Variants in EYA2 observed in about 807,000 individuals in gnomAD.
The protein encoded by EYA2 is EYA transcriptional coactivator and phosphatase 2, also known as protein phosphatase EYA2.
A neutral mutation model predicts 69.2 loss-of-function variants in EYA2; 31 were observed. The observed-to-expected ratio is 0.45, with a 90% CI of 0.34 to 0.60. The LOEUF (loss-of-function observed/expected upper bound fraction) is 0.60, where lower values mean the gene tolerates loss of function less well. EYA2 is among the 20% of genes least tolerant of loss of function. EYA2 has a pLI of 0.02. For missense variants in EYA2, 622 were observed against 701.2 expected (o/e 0.89, Z 1.28); for synonymous variants, 257 against 279.4 (o/e 0.92, Z 0.80).
At chr20:47,078,329 G>A (rs61310341) in intron 7 of EYA2, among the ~76,000 whole-genome samples, 22,502 of 115,730 alleles carry the variant, frequency 0.19, 2,409 homozygotes, top group African/African-American at 0.35. Flanking sequence ...GCGCGCGCGC[G>A]CGCACACACA....
chr20:47,121,010 C>G (rs933661402), intron 9 of EYA2, among the ~76,000 whole-genome samples: 6 of 152,186 alleles, frequency 3.9e-5, no homozygotes, highest in African/African-American at 1.2e-4. Context: ...GCATTCTCCC[C>G]TGGAACCATC....
chr20:47,116,054 G>C (rs962118575), intron 9 of EYA2, among the ~76,000 whole-genome samples: 18 of 151,942 alleles, frequency 1.2e-4, no homozygotes, highest in Non-Finnish European at 2.2e-4. Context: ...ATCTTTCCAA[G>C]TTGGTTAAAA....
At chr20:47,174,235 A>G (rs1331870447) in intron 12 of EYA2, among the ~76,000 whole-genome samples, 1 of 152,206 alleles carries the variant, frequency 6.6e-6, no homozygotes, top group African/African-American at 2.4e-5. Flanking sequence ...TCCTAGAAAG[A>G]ATAGAGTCCC....
intron 9 of EYA2, among the ~76,000 whole-genome samples, chr20:47,127,441 T>G (rs1029379753): frequency 1.3e-4 from 20 of 151,994 alleles, no homozygotes; most frequent in Admixed American, 3.9e-4. Context: ...CCATCTCTAC[T>G]AAAAATACCA....
intron 1 of EYA2, among the ~76,000 whole-genome samples, chr20:46,964,016 A>G (rs1280099706): frequency 6.6e-6 from 1 of 152,266 alleles, no homozygotes; most frequent in Non-Finnish European, 1.5e-5. Flanking sequence ...TATGAAATCA[A>G]TTTGGTGAGC....
intron 11 of EYA2, among the ~76,000 whole-genome samples, chr20:47,172,251 T>C (rs904907629): frequency 2.0e-5 from 3 of 151,940 alleles, no homozygotes; most frequent in South Asian, 2.1e-4. Context: ...CCAGGCAACA[T>C]AGAGAGACTC....
chr20:46,968,334 A>G (rs1352037645), intron 1 of EYA2, among the ~76,000 whole-genome samples: 3 of 152,218 alleles, frequency 2.0e-5, no homozygotes, highest in South Asian at 2.1e-4. Flanking sequence ...AAGAATGGCA[A>G]ACATTTACCT....
chr20:47,071,970 T>C (rs1178033970), intron 5 of EYA2: 9 of 584,902 alleles, frequency 1.5e-5, no homozygotes, highest in Non-Finnish European at 2.8e-5. Flanking sequence ...GTGGTGATGC[T>C]GGTGGTAGGC....
At chr20:47,159,346 C>A (rs887181636) in intron 10 of EYA2, among the ~76,000 whole-genome samples, 3 of 151,954 alleles carry the variant, frequency 2.0e-5, no homozygotes, top group South Asian at 4.2e-4. Context: ...AGAAAAACAT[C>A]GGAAAAATCC....
At position 47,154,585 on chromosome 20, in the gene EYA2, G is replaced by A. The variant is rs564590311; in HGVS notation, c.978+11437G>A. ...GCCCCTGCCAGGGACAGTGATGTCC[G>A]TCTGGTTTGAGAAAAAGGATTCCCA... On this transcript the variant is annotated intron_variant, in intron 10 of 15. Coordinates refer to ENST00000327619, the MANE Select transcript of EYA2 (RefSeq NM_005244.5). 1.2e-3 allele frequency among the ~76,000 whole-genome samples: 178 copies of A among 152,010 alleles called. 1 individual carries two copies. Among genetic ancestry groups the A allele is most frequent in the Middle Eastern group, 6.8e-3 (2 of 294 alleles).
At chr20:46,907,240 A>C (rs1157046206) in intron 1 of EYA2, among the ~76,000 whole-genome samples, 1 of 152,236 alleles carries the variant, frequency 6.6e-6, no homozygotes, top group African/African-American at 2.4e-5. Context: ...AAAAGAAGGG[A>C]AAACCGCCTG....
chr20:46,915,115 T>C (rs1444387109), intron 1 of EYA2, among the ~76,000 whole-genome samples: 1 of 152,196 alleles, frequency 6.6e-6, no homozygotes, highest in Non-Finnish European at 1.5e-5. Context: ...CACATCAGCC[T>C]CATAGCAGTG....
At chr20:47,184,060 G>A (rs1177139921) in intron 15 of EYA2, among the ~76,000 whole-genome samples, 1 of 152,218 alleles carries the variant, frequency 6.6e-6, no homozygotes, top group Admixed American at 6.5e-5. Context: ...CCCAGAAGAA[G>A]AGGGAAGCCC....
rs199854547 is a variant in EYA2 at position 47,057,515 on chromosome 20, C to G, written c.416-14670C>G. On this transcript the variant is annotated intron_variant, in intron 5 of 15. Coordinates refer to ENST00000327619, the MANE Select transcript of EYA2 (RefSeq NM_005244.5). ...TGCTGACTACTTTTTATATCACCCCCCCCCCCCATCTCATACCTCCAGACC... is the reference window on the plus strand; with the variant it reads ...TGCTGACTACTTTTTATATCACCCCGCCCCCCCATCTCATACCTCCAGACC... Among the ~76,000 whole-genome samples, 38 of 150,414 alleles carry G rather than the reference C, an allele frequency of 2.5e-4. 1 individual carries two copies. Among genetic ancestry groups the G allele is most frequent in the African/African-American group, 8.0e-4 (33 of 41,152 alleles).
At chr20:47,088,090 C>T (rs185135983) in intron 7 of EYA2, among the ~76,000 whole-genome samples, 83 of 152,260 alleles carry the variant, frequency 5.5e-4, no homozygotes, top group African/African-American at 1.9e-3. Flanking sequence ...CAAAAATTAG[C>T]CGGGCATGGT....
At chr20:47,133,399 AT>A (rs1201462766) in intron 9 of EYA2, among the ~76,000 whole-genome samples, 2 of 152,178 alleles carry the variant, frequency 1.3e-5, no homozygotes, top group African/African-American at 4.8e-5. Context: ...AATGGGTGTT[AT>A]TTTTACTAAA....
In EYA2 at chr20:47,156,163, T is replaced by C. The variant is rs188888269; in HGVS notation, c.979-12976T>C. ...ATATATATATATATATATATATATATATATATATATATATATATATATTAG... is the reference window on the plus strand; with the variant it reads ...ATATATATATATATATATATATATACATATATATATATATATATATATTAG... On this transcript the variant is annotated intron_variant, in intron 10 of 15. Transcript: ENST00000327619. Among the ~76,000 whole-genome samples, 96 of 37,944 alleles carry C rather than the reference T, an allele frequency of 2.5e-3. 5 individuals are homozygous for C. Among genetic ancestry groups the C allele is most frequent in the East Asian group, 9.6e-3 (11 of 1,150 alleles). The allele number at this position is 37,944 out of a possible 152,430, so 24.9% of individuals were successfully genotyped here. A position where few individuals can be genotyped will look rare whatever the true frequency, so the allele number is the denominator to read the frequency against.
At position 47,160,387 on chromosome 20, in the gene EYA2, C is replaced by G. The variant is rs191362355; in HGVS notation, c.979-8752C>G. ...TGAACATAGATGTGTTCTAATAAAA[C>G]TTTATTTACACAAACAGGCGACAGG... On this transcript the variant is annotated intron_variant, in intron 10 of 15. Transcript: ENST00000327619. Among the ~76,000 whole-genome samples the G allele has an allele frequency of 3.7e-4, 56 of 152,282 alleles. 1 individual carries two copies. The highest frequency in any genetic ancestry group is 2.4e-3 in the Admixed American group (36 of 15,298).
rs149598640 is a variant in EYA2 at position 47,004,414 on chromosome 20, G to A, written c.156-528G>A. On this transcript the variant is annotated intron_variant, in intron 3 of 15. Coordinates refer to ENST00000327619, the MANE Select transcript of EYA2 (RefSeq NM_005244.5). ...AGAAGGTATCTAAATTAGGACAATC[G>A]GGGTAGGATAGGCTATGCTACAGTA... Among the ~76,000 whole-genome samples, 1,014 of 152,288 alleles carry A rather than the reference G, an allele frequency of 6.7e-3. 12 individuals carry two copies. Among genetic ancestry groups the A allele is most frequent in the African/African-American group, 0.022 (932 of 41,534 alleles).
Sources: allele counts gnomAD v4.1 joint callset (sites outside exome capture counted in the v4.1 genomes callset), GRCh38; gene constraint gnomAD v4.1.1; transcripts MANE v1.5; gene names NCBI Gene and HGNC (gene_info 2026-07-23, HGNC 2026-07-21).